ERGIC1: variants seen among roughly 807,000 people sequenced by gnomAD.
ERGIC1 encodes the protein endoplasmic reticulum-golgi intermediate compartment 1.
In ERGIC1, 19 loss-of-function variants were observed where a neutral mutation model predicts 38.3. The ratio of observed to expected loss-of-function variants is 0.50; its 90% CI spans 0.35 to 0.73. ERGIC1 has a LOEUF of 0.73. Ranked by LOEUF, ERGIC1 falls within the 30% of genes least tolerant of loss-of-function variation. The pLI is 0.01. For missense variants in ERGIC1, 294 were observed against 389.2 expected, an observed-to-expected ratio of 0.76 and a Z score of 2.06; for synonymous variants, 124 against 157.6, an observed-to-expected ratio of 0.79 and a Z score of 1.60.
intron 3 of ERGIC1, among the ~76,000 whole-genome samples, chr5:172,908,319 AGAGAGGGGAGG>A (rs1763098033): frequency 0.017 from 2 of 116 alleles, 1 homozygote; most frequent in Non-Finnish European, 0.034. Context: ...GGGGGGGGGG[AGAGAGGGGAGG>A]GGGGGAGGGG....
chr5:172,868,659 G>T (rs1332440211), intron 1 of ERGIC1, among the ~76,000 whole-genome samples: 1 of 152,188 alleles, frequency 6.6e-6, no homozygotes, highest in Non-Finnish European at 1.5e-5. Flanking sequence ...CCGAAGGAAT[G>T]TACAACACCA....
chr5:172,861,328 C>T (rs763264000), intron 1 of ERGIC1, among the ~76,000 whole-genome samples: 1 of 152,228 alleles, frequency 6.6e-6, no homozygotes, highest in Non-Finnish European at 1.5e-5. Context: ...CTGTCCGGCT[C>T]TGTCAGACCC....
In ERGIC1 at chr5:172,920,445, C is replaced by T. The variant is rs767758227; in HGVS notation, c.376-3560C>T. 27 of 717,620 alleles carry T rather than the reference C, an allele frequency of 3.8e-5. No homozygotes were observed. The Middle Eastern group carries it at 1.1e-3, about 30-fold the overall frequency. The allele number at this position is 717,620 out of a possible 1,614,324, so 44.5% of individuals were successfully genotyped here. A position where few individuals can be genotyped will look rare whatever the true frequency, so the allele number is the denominator to read the frequency against. On this transcript the variant is annotated intron_variant, in intron 5 of 9. Transcript: ENST00000393784. ...CTCACCAGAGACCCCACGGTGACCT[C>T]GTTTCATCAGCCAGCCCCGCAGGAG...
intron 7 of ERGIC1, chr5:172,931,221 A>G (rs1302436191): frequency 6.6e-6 from 1 of 152,210 alleles, no homozygotes; most frequent in Non-Finnish European, 1.5e-5. Flanking sequence ...AGCATCCCAG[A>G]AGGCCCAGGA....
At chr5:172,886,938 C>T (rs1187186211) in intron 1 of ERGIC1, among the ~76,000 whole-genome samples, 2 of 152,152 alleles carry the variant, frequency 1.3e-5, no homozygotes, top group African/African-American at 4.8e-5. Flanking sequence ...AGACCCCCAA[C>T]CTCCCGACCA....
chr5:172,912,775 CT>C (rs577088242), intron 4 of ERGIC1, among the ~76,000 whole-genome samples: 46 of 146,018 alleles, frequency 3.2e-4, no homozygotes, highest in Admixed American at 2.7e-4. Context: ...TTCTTTCTTT[CT>C]TTTTTTTTTT....
chr5:172,932,828 CA>C, intron 8 of ERGIC1: 1 of 394,968 alleles, frequency 2.5e-6, no homozygotes. Flanking sequence ...TTGCAGGTCT[CA>C]AACAGCCCTG....
chr5:172,897,264 A>G (rs114161208), intron 3 of ERGIC1, among the ~76,000 whole-genome samples, 190 bp downstream of exon 3: 2,872 of 152,154 alleles, frequency 0.019, 44 homozygotes, highest in Non-Finnish European at 0.029. Flanking sequence ...CCCTGTCTAC[A>G]CTAAAAATAC....
chr5:172,910,404 A>G (rs1581565897), intron 4 of ERGIC1, among the ~76,000 whole-genome samples: 2 of 152,202 alleles, frequency 1.3e-5, no homozygotes, highest in African/African-American at 4.8e-5. Flanking sequence ...GGAGCGGTCC[A>G]CCATCCATGA....
At chr5:172,909,029 C>T (rs1299172676) in intron 3 of ERGIC1, among the ~76,000 whole-genome samples, 2 of 152,178 alleles carry the variant, frequency 1.3e-5, no homozygotes, top group Non-Finnish European at 2.9e-5. Flanking sequence ...GTTATCCCCA[C>T]TTAACAGGTG....
chr5:172,852,646 C>T (rs1249247656), intron 1 of ERGIC1, among the ~76,000 whole-genome samples: 1 of 152,246 alleles, frequency 6.6e-6, no homozygotes, highest in Non-Finnish European at 1.5e-5. Flanking sequence ...AGTAAATGAG[C>T]AGGGTCTTCC....
rs1762643090 is a variant in ERGIC1, at chr5:172,893,918, T to TGTGTGTGA, written c.83-3077_83-3076insAGTGTGTG. On this transcript the variant is annotated intron_variant, in intron 2 of 9. Transcript: ENST00000393784. ...ATATATATATATATGTGTGTGTGTG[T>TGTGTGTGA]GTGTGTGTGTGTGTGTGTATATATA... Among the ~76,000 whole-genome samples, 2 of 82,932 alleles carry TGTGTGTGA rather than the reference T, an allele frequency of 2.4e-5. 1 individual carries two copies. The highest frequency in any genetic ancestry group is 4.8e-5 in the Non-Finnish European group (2 of 41,622). The allele number at this position is 82,932 out of a possible 152,430, so 54.4% of individuals were successfully genotyped here.
Position 172,914,841 on chromosome 5 carries a change from A to C in ERGIC1, c.375+3A>C. 1.2e-6 allele frequency: 2 copies of C among 1,614,086 alleles called. No individual in the cohort carries two copies. Among genetic ancestry groups the C allele is most frequent in the South Asian group, 2.2e-5 (2 of 91,074 alleles). ...AGGGGCAGTTCAGCATCAACAAGGT[A>C]TGGAAGCCCTGCCTCAGCCCTTTCT... is the stretch of plus-strand genomic sequence containing the variant. On this transcript the variant is annotated splice_donor_region_variant and intron_variant, in intron 5 of 9. Coordinates refer to ENST00000393784, the MANE Select transcript of ERGIC1 (RefSeq NM_001031711.3).
At chr5:172,869,429 G>T (rs534529124) in intron 1 of ERGIC1, among the ~76,000 whole-genome samples, 1 of 152,334 alleles carries the variant, frequency 6.6e-6, no homozygotes, top group East Asian at 1.9e-4. Flanking sequence ...CGAGTGGGAT[G>T]GGGAGGGCCA....
At chr5:172,851,241 G>T (rs1288512228) in intron 1 of ERGIC1, among the ~76,000 whole-genome samples, 1 of 148,948 alleles carries the variant, frequency 6.7e-6, no homozygotes, top group Admixed American at 6.8e-5. Flanking sequence ...AGGCACAGTG[G>T]CTCACATCTG....
intron 1 of ERGIC1, among the ~76,000 whole-genome samples, chr5:172,847,987 G>C (rs574747855): frequency 6.8e-4 from 103 of 152,360 alleles, no homozygotes; most frequent in African/African-American, 2.4e-3. Flanking sequence ...TCTGGTGCCT[G>C]GTGAAGTTGC....
At chr5:172,945,363 A>G (rs1169600422) in intron 9 of ERGIC1, among the ~76,000 whole-genome samples, 1 of 152,240 alleles carries the variant, frequency 6.6e-6, no homozygotes. Context: ...CCCAGCGGCC[A>G]CAAAGAATCT....
intron 2 of ERGIC1, among the ~76,000 whole-genome samples, chr5:172,891,532 G>A (rs1270208980): frequency 6.6e-6 from 1 of 151,200 alleles, no homozygotes; most frequent in Admixed American, 6.6e-5. Context: ...TCTGCCTCCC[G>A]GGTTCAAGCA....
chr5:172,869,994 C>T (rs1350204528), intron 1 of ERGIC1, among the ~76,000 whole-genome samples: 1 of 152,194 alleles, frequency 6.6e-6, no homozygotes, highest in African/African-American at 2.4e-5. Flanking sequence ...TGAGATGAAA[C>T]CTCTTGACCA....
Sources: gnomAD v4.1 joint callset for allele counts (sites outside exome capture counted in the v4.1 genomes callset) on GRCh38, gnomAD v4.1.1 for gene constraint, MANE v1.5 for transcripts, NCBI Gene and HGNC (gene_info 2026-07-23, HGNC 2026-07-21) for gene names.